Variants in SYT2 observed in about 807,000 individuals in gnomAD.
The protein encoded by SYT2 is synaptotagmin-2.
Under a neutral mutation model 39.9 loss-of-function variants are expected in SYT2, and 15 were observed. The observed-to-expected ratio is 0.38, with a 90% CI of 0.25 to 0.58. SYT2 has a LOEUF of 0.58. SYT2 is among the 20% of genes least tolerant of loss of function. SYT2 has a pLI of 0.70. For synonymous variants in SYT2, 181 were observed against 204.5 expected, an observed-to-expected ratio of 0.89 and a Z score of 0.98; for missense variants, 389 against 530.3, an observed-to-expected ratio of 0.73 and a Z score of 2.62.
At chr1:202,668,862 G>A (rs1430108386) in intron 1 of SYT2, among the ~76,000 whole-genome samples, 1 of 152,238 alleles carries the variant, frequency 6.6e-6, no homozygotes, top group Non-Finnish European at 1.5e-5. Flanking sequence ...GCAACTGGAT[G>A]ACCTGAGTGT....
At chr1:202,624,352 G>C (rs978392637) in intron 1 of SYT2, among the ~76,000 whole-genome samples, 13 of 151,336 alleles carry the variant, frequency 8.6e-5, no homozygotes, top group Non-Finnish European at 1.6e-4. Context: ...GTGTCAGGGG[G>C]TATGTGGGTA....
rs370305074 is a variant in SYT2, at chr1:202,652,627, T to C, written c.-17-46838A>G. Among the ~76,000 whole-genome samples the C allele has an allele frequency of 1.8e-3, 270 of 152,232 alleles. 2 individuals carry two copies. The highest frequency in any genetic ancestry group is 4.4e-3 in the African/African-American group (184 of 41,548). On this transcript the variant is annotated intron_variant, in intron 1 of 8. Coordinates refer to ENST00000367268, the MANE Select transcript of SYT2 (RefSeq NM_177402.5). ...TGCCCAGCAGGGTCACTTGAGGAGC[T>C]TAAAGGAAAGGTGCCCAGCCCCATC...
intron 1 of SYT2, among the ~76,000 whole-genome samples, chr1:202,609,852 T>TG (rs1228787634): frequency 2.0e-5 from 3 of 152,208 alleles, no homozygotes; most frequent in African/African-American, 7.2e-5. Context: ...TTCACTCTGA[T>TG]GGTAGTGTCT....
chr1:202,706,493 C>G (rs1654254140), intron 1 of SYT2, among the ~76,000 whole-genome samples: 1 of 152,156 alleles, frequency 6.6e-6, no homozygotes, highest in South Asian at 2.1e-4. Context: ...TCACCAAGAA[C>G]AATCTACGTC....
At chr1:202,675,170 C>T (rs1022117961) in intron 1 of SYT2, among the ~76,000 whole-genome samples, 2 of 151,948 alleles carry the variant, frequency 1.3e-5, no homozygotes, top group African/African-American at 2.4e-5. Context: ...AGGATGTCTA[C>T]TAAGGAAAAA....
chr1:202,611,169 T>C (rs1261162925), intron 1 of SYT2, among the ~76,000 whole-genome samples: 1 of 152,250 alleles, frequency 6.6e-6, no homozygotes, highest in Non-Finnish European at 1.5e-5. Context: ...TATGGGCCAT[T>C]TGTATATCTT....
At chr1:202,696,822 C>G (rs374830315) in intron 1 of SYT2, among the ~76,000 whole-genome samples, 1 of 152,226 alleles carries the variant, frequency 6.6e-6, no homozygotes, top group East Asian at 1.9e-4. Context: ...AAAAAGGCAT[C>G]TTAGCACTAT....
intron 1 of SYT2, among the ~76,000 whole-genome samples, chr1:202,622,692 G>T (rs1034575664): frequency 1.6e-4 from 25 of 152,148 alleles, no homozygotes; most frequent in Admixed American, 6.5e-4. Context: ...TCCCTGCCCT[G>T]CCTGCCTTAA....
rs1335871494 is a variant in SYT2, at chr1:202,602,412, A to G, written c.599T>C (p.Leu200Pro). The G allele has an allele frequency of 1.2e-6, 2 of 1,614,090 alleles. No individual in the cohort carries two copies. Among genetic ancestry groups the G allele is most frequent in the Non-Finnish European group, 1.7e-6 (2 of 1,180,024 alleles). Residue 200 changes from leucine (L) to proline (P), a missense_variant, in exon 5 of 9, where the codon CTG (leucine) becomes CCG (proline). Leu to Pro is a moderately conservative substitution (Grantham distance 98). Transcript: ENST00000367268. ...GAAGGTTTCATTGAAGGCAGGGTTC[A>G]GTGTCTTCCGATGGACTTTGGTCTC... is the stretch of plus-strand genomic sequence containing the variant. ...KYETKVHRKT[L>P]NPAFNETFTF...
chr1:202,661,243 G>A (rs546496120), intron 1 of SYT2, among the ~76,000 whole-genome samples: 1 of 152,056 alleles, frequency 6.6e-6, no homozygotes, highest in Non-Finnish European at 1.5e-5. Context: ...AGGACCACCT[G>A]CCCCTGGGAA....
intron 1 of SYT2, among the ~76,000 whole-genome samples, chr1:202,703,682 C>T (rs1654179008): frequency 6.6e-6 from 1 of 152,108 alleles, no homozygotes. Context: ...CTTACAAATG[C>T]GGTGGGCTGC....
At chr1:202,627,144 A>G (rs1361531198) in intron 1 of SYT2, among the ~76,000 whole-genome samples, 1 of 152,204 alleles carries the variant, frequency 6.6e-6, no homozygotes, top group Non-Finnish European at 1.5e-5. Context: ...GGGGAGCCTA[A>G]GGCCCAGAAT....
At chr1:202,685,437 C>G (rs1429162036) in intron 1 of SYT2, among the ~76,000 whole-genome samples, 1 of 152,038 alleles carries the variant, frequency 6.6e-6, no homozygotes, top group Non-Finnish European at 1.5e-5. Flanking sequence ...TTAAATGAAC[C>G]CATTCTTTCT....
chr1:202,688,114 AC>A (rs1019505250), intron 1 of SYT2, among the ~76,000 whole-genome samples: 1 of 151,712 alleles, frequency 6.6e-6, no homozygotes, highest in African/African-American at 2.4e-5. Flanking sequence ...GGTCACTGAC[AC>A]CCCCCCATAC....
At chr1:202,688,872 C>T (rs1653741519) in intron 1 of SYT2, among the ~76,000 whole-genome samples, 1 of 152,134 alleles carries the variant, frequency 6.6e-6, no homozygotes, top group Non-Finnish European at 1.5e-5. Context: ...GCCTCCTCAC[C>T]CAGCCTCGGA....
chr1:202,656,426 G>A (rs1440485582), intron 1 of SYT2, among the ~76,000 whole-genome samples: 4 of 152,196 alleles, frequency 2.6e-5, no homozygotes, highest in Non-Finnish European at 5.9e-5. Context: ...GGCCCTGTGA[G>A]CCTGAAACTT....
intron 1 of SYT2, among the ~76,000 whole-genome samples, chr1:202,657,587 A>AG (rs1350284856): frequency 6.6e-6 from 1 of 152,050 alleles, no homozygotes. Flanking sequence ...CCTCCCTCAC[A>AG]CTGGAGAGCT....
intron 1 of SYT2, among the ~76,000 whole-genome samples, chr1:202,606,769 T>C (rs1209800369): frequency 4.6e-5 from 7 of 152,110 alleles, no homozygotes; most frequent in East Asian, 1.9e-4. Flanking sequence ...TGTAGAAAAT[T>C]TGGGGAGAGA....
At chr1:202,642,245 C>T (rs185914312) in intron 1 of SYT2, among the ~76,000 whole-genome samples, 4 of 152,132 alleles carry the variant, frequency 2.6e-5, no homozygotes, top group Non-Finnish European at 5.9e-5. Flanking sequence ...CACTTTGACA[C>T]CCCCTGCCCC....
Sources: gnomAD v4.1 joint callset for allele counts (sites outside exome capture counted in the v4.1 genomes callset) on GRCh38, gnomAD v4.1.1 for gene constraint, MANE v1.5 for transcripts, NCBI Gene and HGNC (gene_info 2026-07-23, HGNC 2026-07-21) for gene names.